ABLIM1: variants seen among roughly 807,000 people sequenced by gnomAD.
ABLIM1 encodes the protein actin-binding LIM protein 1.
A neutral mutation model predicts 107.0 loss-of-function variants in ABLIM1; 40 were observed. The observed-to-expected ratio is 0.37, with a 90% CI of 0.29 to 0.49. The LOEUF is 0.49. Ranked by LOEUF, ABLIM1 falls within the 20% of genes least tolerant of loss-of-function variation. The pLI is 0.97. For missense variants in ABLIM1, 857 were observed against 1,008.5 expected (o/e 0.85, Z 2.04); for synonymous variants, 357 against 357.3 (o/e 1.00, Z 0.01).
At chr10:114,655,045 G>A (rs1022431829) in intron 1 of ABLIM1, among the ~76,000 whole-genome samples, 1 of 152,126 alleles carries the variant, frequency 6.6e-6, no homozygotes, top group African/African-American at 2.4e-5. Flanking sequence ...AATCTGCCCA[G>A]GGCCCCATCT....
chr10:114,521,886 AAGAACCTAAAAC>A (rs952865921), intron 6 of ABLIM1, among the ~76,000 whole-genome samples: 4 of 152,208 alleles, frequency 2.6e-5, no homozygotes, highest in Admixed American at 6.5e-5. Flanking sequence ...CAGTGCCATG[AAGAACCTAAAAC>A]AGAACCAGGG....
chr10:114,629,674 A>T lies in ABLIM1; in HGVS notation c.245-27713T>A, dbSNP rs531212801. 6.6e-6 allele frequency among the ~76,000 whole-genome samples: 1 copy of T among 152,152 alleles called. No homozygotes were observed. The highest frequency in any genetic ancestry group is 1.5e-5 in the Non-Finnish European group (1 of 68,024). Reference sequence around the variant, plus strand: ...CACAGAGAATGAGTACTTTGTCCACAATCTGCTGTGTGACCTTCAGCAACC... The same window carrying T: ...CACAGAGAATGAGTACTTTGTCCACTATCTGCTGTGTGACCTTCAGCAACC... On this transcript the variant is annotated intron_variant, in intron 1 of 22. Coordinates refer to ENST00000533213, the MANE Select transcript of ABLIM1 (RefSeq NM_002313.7). This position sits in a 1 kb window ranked among gnomAD's most constrained non-coding sequence, Gnocchi z 4.0.
At chr10:114,528,828 C>A (rs1040073595) in intron 6 of ABLIM1, among the ~76,000 whole-genome samples, 1 of 152,180 alleles carries the variant, frequency 6.6e-6, no homozygotes, top group African/African-American at 2.4e-5. Flanking sequence ...TGATAGGCAC[C>A]ATGTTGTGCT....
At chr10:114,708,019 G>T (rs2081462505) in intron 1 of ABLIM1, among the ~76,000 whole-genome samples, 1 of 152,158 alleles carries the variant, frequency 6.6e-6, no homozygotes, top group South Asian at 2.1e-4. Context: ...CTGGTGGCAG[G>T]TCTTTTATTT....
chr10:114,437,282 G>C (rs1433586512), intron 22 of ABLIM1, among the ~76,000 whole-genome samples: 2 of 151,360 alleles, frequency 1.3e-5, no homozygotes, highest in Non-Finnish European at 2.9e-5. Context: ...AAATCATTCT[G>C]TGTCTCCTGG....
chr10:114,661,118 AAAAT>A, upstream of ABLIM1, among the ~76,000 whole-genome samples: 1 of 152,374 alleles, frequency 6.6e-6, no homozygotes, highest in East Asian at 1.9e-4. Flanking sequence ...AAAGGAAAAG[AAAAT>A]AAATTCTTAT....
At chr10:114,723,317 C>A (rs2081890239) in intron 1 of ABLIM1, among the ~76,000 whole-genome samples, 1 of 152,176 alleles carries the variant, frequency 6.6e-6, no homozygotes, top group Non-Finnish European at 1.5e-5. Flanking sequence ...GGACATGCCC[C>A]TGTAAATTTC....
chr10:114,766,045 G>T (rs1390738208), intron 1 of ABLIM1, among the ~76,000 whole-genome samples: 1 of 152,126 alleles, frequency 6.6e-6, no homozygotes, highest in Non-Finnish European at 1.5e-5. Flanking sequence ...AAAACAAAGT[G>T]GATGTGATCA....
the ABLIM1 span, among the ~76,000 whole-genome samples, chr10:114,786,183 GA>G: frequency 7.2e-5 from 11 of 152,246 alleles, no homozygotes; most frequent in East Asian, 1.9e-3. Flanking sequence ...TTGTCTACTG[GA>G]AAATCCAAGA....
intron 2 of ABLIM1, among the ~76,000 whole-genome samples, chr10:114,600,661 C>T (rs367734337): frequency 9.2e-5 from 14 of 152,196 alleles, no homozygotes; most frequent in African/African-American, 2.4e-4. Context: ...AATGAAGGTG[C>T]GTACCACAGG....
rs985273 is a variant in ABLIM1 at position 114,575,487 on chromosome 10, G to A, written c.492C>T (p.Phe164=). ...YGTRCHGCGE[F]VEGEVVTALG... ...GAGCAGTCACCACTTCGCCCTCCAC[G>A]AACTCCCCACAGCCATGGCAGCGTG... The change falls in exon 3 of 23, where the codon TTC becomes TTT. Residue 164 remains phenylalanine (F), a synonymous_variant. Coordinates refer to ENST00000533213, the MANE Select transcript of ABLIM1 (RefSeq NM_002313.7). 323,653 of 1,613,882 alleles carry A rather than the reference G, an allele frequency of 0.2. 36,147 individuals carry two copies. The highest frequency in any genetic ancestry group is 0.44 in the African/African-American group (33,004 of 74,902).
upstream of ABLIM1, among the ~76,000 whole-genome samples, chr10:114,770,483 C>T (rs1330941746): frequency 1.3e-5 from 2 of 152,078 alleles, no homozygotes; most frequent in Non-Finnish European, 2.9e-5. Context: ...TGTCTCCCTG[C>T]CTTTACTCAT....
intron 5 of ABLIM1, among the ~76,000 whole-genome samples, chr10:114,545,300 G>A (rs909131880): frequency 1.3e-5 from 2 of 152,134 alleles, no homozygotes; most frequent in African/African-American, 2.4e-5. Flanking sequence ...AGCACTCTGC[G>A]GCTCTCGGTG....
chr10:114,555,537 A>G (rs1023402767), intron 4 of ABLIM1, among the ~76,000 whole-genome samples: 1 of 152,220 alleles, frequency 6.6e-6, no homozygotes, highest in Non-Finnish European at 1.5e-5. Flanking sequence ...GCAAAAACAG[A>G]CACTACAGAA....
the ABLIM1 span, among the ~76,000 whole-genome samples, chr10:114,791,756 A>G: frequency 6.6e-6 from 1 of 152,328 alleles, no homozygotes; most frequent in South Asian, 2.1e-4. Flanking sequence ...AACCATGAAA[A>G]GAGAAATACA....
chr10:114,679,192 G>A (rs2080627469), intron 1 of ABLIM1, among the ~76,000 whole-genome samples: 1 of 152,162 alleles, frequency 6.6e-6, no homozygotes. Context: ...AAAGAAAGCA[G>A]CATGACACCA....
At chr10:114,507,665 G>C (rs2061342267) in intron 6 of ABLIM1, among the ~76,000 whole-genome samples, 1 of 152,208 alleles carries the variant, frequency 6.6e-6, no homozygotes, top group Non-Finnish European at 1.5e-5. Flanking sequence ...TCACAGTCAG[G>C]TGACAGGAGG....
At chr10:114,777,782 A>G in the ABLIM1 span, among the ~76,000 whole-genome samples, 1 of 152,200 alleles carries the variant, frequency 6.6e-6, no homozygotes, top group Non-Finnish European at 1.5e-5. Flanking sequence ...ACTGACAAAA[A>G]TCCCCAGGGA....
chr10:114,735,783 T>C (rs2082167544), intron 1 of ABLIM1, among the ~76,000 whole-genome samples: 2 of 152,310 alleles, frequency 1.3e-5, no homozygotes, highest in South Asian at 4.1e-4. Flanking sequence ...GTTGGTCTTA[T>C]CATGAAAAAT....
Sources: allele counts gnomAD v4.1 joint callset (sites outside exome capture counted in the v4.1 genomes callset), GRCh38; gene constraint gnomAD v4.1.1; non-coding constraint Gnocchi (gnomAD v3.1); transcripts MANE v1.5; gene names NCBI Gene and HGNC (gene_info 2026-07-23, HGNC 2026-07-21).